PRSS1: variants seen among roughly 807,000 people sequenced by gnomAD.
PRSS1 encodes the protein serine protease 1.
PRSS1 carries 22 observed loss-of-function variants against 24.2 expected under a neutral mutation model. The ratio of observed to expected loss-of-function variants is 0.91; its 90% CI spans 0.65 to 1.30. PRSS1 has a LOEUF of 1.30. Ranked by LOEUF, PRSS1 falls within the 50% of genes most tolerant of loss-of-function variation. The probability of loss-of-function intolerance (pLI) is 0.00; values close to 1 mark genes in which losing one functional copy is unlikely to be tolerated. For missense variants in PRSS1, 366 were observed against 304.2 expected (o/e 1.20, Z -1.51); for synonymous variants, 126 against 116.1 (o/e 1.08, Z -0.55).
chr7:142,752,673 C>T (rs1380318976), intron 4 of PRSS1, 106 bp downstream of exon 4: 4 of 1,565,818 alleles, frequency 2.6e-6, no homozygotes, highest in East Asian at 2.2e-5. Flanking sequence ...AGGCTCCCTG[C>T]AGTGCCCACA....
At position 142,752,112 on chromosome 7, in the gene PRSS1, C is replaced by T. The variant is rs553568048; in HGVS notation, c.454+85C>T. On this transcript the variant is annotated intron_variant, in intron 3 of 4. Coordinates refer to ENST00000311737, the MANE Select transcript of PRSS1 (RefSeq NM_002769.5). ...ATGCCCCTTAACTTGAATCCTCTCA[C>T]CTCCAGGCTTAAGACACATTTCGAG... 11 of 1,589,352 alleles carry T rather than the reference C, an allele frequency of 6.9e-6. No individual in the cohort carries two copies. The African/African-American group carries it at 1.3e-4, about 19-fold the overall frequency.
intron 4 of PRSS1, 114 bp from the exon 5 acceptor site, chr7:142,752,754 G>A (rs1310473553): frequency 6.6e-7 from 1 of 1,509,086 alleles, no homozygotes; most frequent in South Asian, 1.1e-5. Flanking sequence ...GGGCCACCAT[G>A]AGAAGGACAT....
At chr7:142,750,921 G>T (rs543660585) in intron 2 of PRSS1, 15 of 807,630 alleles carry the variant, frequency 1.9e-5, no homozygotes, top group African/African-American at 1.0e-4. Flanking sequence ...AAACAGCAAG[G>T]GTTGTGGTCA....
chr7:142,751,533 C>T lies in PRSS1; in HGVS notation c.201-241C>T, dbSNP rs111273067. On this transcript the variant is annotated intron_variant, in intron 2 of 4. Transcript: ENST00000311737. ...CTGGGGAGGCAGGTTGAGGAGCAGC[C>T]TCTGGTGGGATCCCTTTGACTCTTC... is the stretch of plus-strand genomic sequence containing the variant. 125 of 666,190 alleles carry T rather than the reference C, an allele frequency of 1.9e-4. 1 individual carries two copies. The African/African-American group carries it at 2.0e-3, about 11-fold the overall frequency. 41.3% of individuals were successfully genotyped at this position (666,190 alleles called of 1,614,324 possible). A position where few individuals can be genotyped will look rare whatever the true frequency, so the allele number is the denominator to read the frequency against.
chr7:142,752,447 G>C lies in PRSS1; in HGVS notation c.471G>C (p.Glu157Asp). 6.2e-7 allele frequency: 1 copy of C among 1,614,164 alleles called. No homozygotes were observed. Residue 157 changes from glutamate (E) to aspartate (D), a missense_variant, in exon 4 of 5, where the codon GAG becomes GAC. Coordinates refer to ENST00000311737, the MANE Select transcript of PRSS1 (RefSeq NM_002769.5). ...TASSGADYPD[E>D]LQCLDAPVLS... ...TCCTCACAGCCGACTACCCAGACGA[G>C]CTGCAGTGCCTGGATGCTCCTGTGC...
rs201825825 is a variant in PRSS1 at position 142,752,410 on chromosome 7, A to G, written c.455-21A>G. 24 of 1,523,610 alleles carry G rather than the reference A, an allele frequency of 1.6e-5. No individual in the cohort carries two copies. In the African/African-American group the frequency reaches 2.4e-4, roughly 15 times the overall value. 94.4% of individuals were successfully genotyped at this position (1,523,610 alleles called of 1,614,324 possible). On this transcript the variant is annotated intron_variant, in intron 3 of 4. Transcript: ENST00000311737. Reference sequence around the variant, plus strand: ...CTGACCCACATTTCTACTTCCTTTGATCTCTTCCTGATCCTCACAGCCGAC... The same window carrying G: ...CTGACCCACATTTCTACTTCCTTTGGTCTCTTCCTGATCCTCACAGCCGAC...
At chr7:142,749,983 T>G (rs111630712) in intron 1 of PRSS1, among the ~76,000 whole-genome samples, 858 of 152,300 alleles carry the variant, frequency 5.6e-3, no homozygotes, top group African/African-American at 0.02. Context: ...AGGTGATTTT[T>G]AATATTTCCA....
At chr7:142,751,565 C>T in intron 2 of PRSS1, 2 of 872,508 alleles carry the variant, frequency 2.3e-6, no homozygotes, top group South Asian at 3.5e-5. Flanking sequence ...CTTCCCCACC[C>T]CACTACCACC....
Position 142,750,577 on chromosome 7 carries a change from T to G in PRSS1, c.63T>G (p.Asp21Glu). 6.2e-7 allele frequency: 1 copy of G among 1,614,026 alleles called. No homozygotes were observed. Among genetic ancestry groups the G allele is most frequent in the Non-Finnish European group, 8.5e-7 (1 of 1,179,874 alleles). ...CAGTTGCTGCCCCCTTTGATGATGA[T>G]GACAAGATCGTTGGGGGCTACAACT... ...AAALAAPFDD[D>E]DKIVGGYNCE... Residue 21 changes from aspartate to glutamate, a missense_variant, in exon 2 of 5, where the codon GAT (aspartate) becomes GAG (glutamate). Physicochemically the swap from Asp to Glu is conservative, Grantham distance 45. Transcript: ENST00000311737.
rs760937288 is a variant in PRSS1, at chr7:142,752,602, C to G, written c.591+35C>G. ...CCAACCCTTCCCATGCTGAGGCTCC[C>G]ACTGATACCTAGGCCCCACCAGGGA... On this transcript the variant is annotated intron_variant, in intron 4 of 4. Transcript: ENST00000311737. 3 of 1,614,112 alleles carry G rather than the reference C, an allele frequency of 1.9e-6. No homozygotes were observed. The Admixed American group carries it at 5.0e-5, about 27-fold the overall frequency.
At chr7:142,750,767 C>T (rs746462233) in intron 2 of PRSS1, 53 bp downstream of exon 2, 1 of 1,612,014 alleles carries the variant, frequency 6.2e-7, no homozygotes. Flanking sequence ...CCTGGGAGAG[C>T]TTGGCTTCAG....
At chr7:142,750,989 T>A (rs1418742075) in intron 2 of PRSS1, 1 of 712,580 alleles carries the variant, frequency 1.4e-6, no homozygotes, top group Non-Finnish European at 2.5e-6. Context: ...AGCAGGCAAG[T>A]ATCTTTTGCT....
chr7:142,751,184 G>A lies in PRSS1; in HGVS notation c.200+470G>A. 4.4e-6 allele frequency: 3 copies of A among 680,178 alleles called. No homozygotes were observed. In the South Asian group the frequency reaches 4.7e-5, roughly 11 times the overall value. The allele number at this position is 680,178 out of a possible 1,614,324, so 42.1% of individuals were successfully genotyped here. On this transcript the variant is annotated intron_variant, in intron 2 of 4. Coordinates refer to ENST00000311737, the MANE Select transcript of PRSS1 (RefSeq NM_002769.5). ...AGCTGAGAACTGCTGCCTACACCAA[G>A]AACTCTCAAACCTGAGTATGCATCA...
Position 142,750,557 on chromosome 7 carries a change from G to T in PRSS1, c.43G>T (p.Ala15Ser), listed in dbSNP as rs749319393. 2 of 1,614,008 alleles carry T rather than the reference G, an allele frequency of 1.2e-6. No homozygotes were observed. The highest frequency in any genetic ancestry group is 1.7e-6 in the Non-Finnish European group (2 of 1,179,868). ...LILTFVAAAL[A>S]APFDDDDKIV... ...CTCCCTTCCCATCTCCACTCCAGTT[G>T]CTGCCCCCTTTGATGATGATGACAA... Residue 15 changes from alanine to serine, a missense_variant and splice_region_variant, in exon 2 of 5, where the codon GCT (alanine) becomes TCT (serine). Transcript: ENST00000311737.
At chr7:142,752,209 C>A (rs1372997068) in intron 3 of PRSS1, among the ~76,000 whole-genome samples, 182 bp downstream of exon 3, 1 of 152,180 alleles carries the variant, frequency 6.6e-6, no homozygotes, top group Non-Finnish European at 1.5e-5. Context: ...CTCCTAAAAT[C>A]AAGAGACAGG....
intron 3 of PRSS1, 112 bp downstream of exon 3, chr7:142,752,139 G>A: frequency 6.6e-7 from 1 of 1,520,102 alleles, no homozygotes; most frequent in South Asian, 1.1e-5. Context: ...CATTTCGAGT[G>A]CCCATTACAC....
intron 3 of PRSS1, 92 bp from the exon 4 acceptor site, chr7:142,752,339 G>T (rs1798813887): frequency 2.0e-6 from 3 of 1,534,378 alleles, no homozygotes; most frequent in Admixed American, 1.7e-5. Context: ...CAGGGGCTGT[G>T]TTCCTCTTCA....
intron 2 of PRSS1, 78 bp from the exon 3 acceptor site, chr7:142,751,695 GC>G (rs1259738912): frequency 1.4e-5 from 22 of 1,613,610 alleles, no homozygotes; most frequent in African/African-American, 2.7e-5. Context: ...TGAGCAGAGA[GC>G]TTGAGGAACC....
In PRSS1 at chr7:142,751,776, G is replaced by T. The variant is rs757111793; in HGVS notation, c.203G>T (p.Arg68Leu). The change falls in exon 3 of 5, where the codon CGC becomes CTC. Residue 68 changes from arginine (R) to leucine (L), a missense_variant and splice_region_variant. Coordinates refer to ENST00000311737, the MANE Select transcript of PRSS1 (RefSeq NM_002769.5). ...VVSAGHCYKS[R>L]IQVRLGEHNI... ...ACCATGCCTGCCCTGCCCATCAGCCGCATCCAGGTGAGACTGGGAGAGCAC... is the reference window on the plus strand; with the variant it reads ...ACCATGCCTGCCCTGCCCATCAGCCTCATCCAGGTGAGACTGGGAGAGCAC... 3.9e-6 allele frequency: 4 copies of T among 1,023,390 alleles called. No individual in the cohort carries two copies. The Admixed American group carries it at 7.8e-5, about 20-fold the overall frequency. 63.4% of individuals were successfully genotyped at this position (1,023,390 alleles called of 1,614,324 possible).
Sources: gnomAD v4.1 joint callset for allele counts (sites outside exome capture counted in the v4.1 genomes callset) on GRCh38, gnomAD v4.1.1 for gene constraint, MANE v1.5 for transcripts, NCBI Gene and HGNC (gene_info 2026-07-23, HGNC 2026-07-21) for gene names.